The following SRC variants were observed in gnomAD, a reference collection of about 807,000 sequenced individuals.
The protein encoded by SRC is proto-oncogene tyrosine-protein kinase Src.
SRC carries 13 observed loss-of-function variants against 62.9 expected under a neutral mutation model. The observed-to-expected ratio is 0.21, with a 90% CI of 0.13 to 0.33. SRC has a LOEUF of 0.33. SRC is among the 10% of genes least tolerant of loss of function. SRC has a pLI of 1.00. For missense variants in SRC, 457 were observed against 737.3 expected (o/e 0.62, Z 4.40); for synonymous variants, 302 against 317.5 (o/e 0.95, Z 0.52).
At chr20:37,379,062 G>T (rs1365637978) in intron 2 of SRC, among the ~76,000 whole-genome samples, 3 of 152,070 alleles carry the variant, frequency 2.0e-5, no homozygotes, top group African/African-American at 7.2e-5. Context: ...GGCCACTTGG[G>T]GACCTGCTGA....
chr20:37,394,190 A>G lies in SRC; in HGVS notation c.466A>G (p.Ile156Val), dbSNP rs776051245. 1 of 1,614,038 alleles carries G rather than the reference A, an allele frequency of 6.2e-7. No homozygotes were observed. Among genetic ancestry groups the G allele is most frequent in the Non-Finnish European group, 8.5e-7 (1 of 1,180,024 alleles). ...CACCCCCAGGTGGTATTTTGGCAAG[A>G]TCACCAGACGGGAGTCAGAGCGGTT... ...IQAEEWYFGK[I>V]TRRESERLLL... The change falls in exon 7 of 14, where the codon ATC (isoleucine) becomes GTC (valine). Residue 156 changes from isoleucine to valine, a missense_variant. Physicochemically the swap from Ile to Val is conservative, Grantham distance 29. Coordinates refer to ENST00000373578, the MANE Select transcript of SRC (RefSeq NM_198291.3).
chr20:37,362,290 G>A (rs983321197), intron 1 of SRC, among the ~76,000 whole-genome samples: 1 of 151,800 alleles, frequency 6.6e-6, no homozygotes, highest in Non-Finnish European at 1.5e-5. Context: ...CAAACTCTTG[G>A]CCTCAAGCGA....
upstream of SRC, among the ~76,000 whole-genome samples, chr20:37,345,349 C>T (rs954322186): frequency 2.0e-5 from 3 of 152,218 alleles, no homozygotes; most frequent in African/African-American, 4.8e-5. Context: ...CGTTTTTCTG[C>T]TACATTTCCT....
intron 3 of SRC, among the ~76,000 whole-genome samples, chr20:37,383,378 T>G (rs747665926): frequency 3.3e-5 from 5 of 152,192 alleles, no homozygotes; most frequent in African/African-American, 4.8e-5. Context: ...TCCTGCTGTA[T>G]GGCCTTGGCT....
At position 37,394,246 on chromosome 20, in the gene SRC, C is replaced by A; in HGVS notation, c.522C>A (p.Thr174=). 6.2e-7 allele frequency: 1 copy of A among 1,614,058 alleles called. No homozygotes were observed. The highest frequency in any genetic ancestry group is 1.1e-5 in the South Asian group (1 of 91,076). The change falls in exon 7 of 14, where the codon ACC becomes ACA. Residue 174 remains threonine (T), a synonymous_variant. Coordinates refer to ENST00000373578, the MANE Select transcript of SRC (RefSeq NM_198291.3). Reference sequence around the variant, plus strand: ...TCAATGCAGAGAACCCGAGAGGGACCTTCCTCGTGCGAGAAAGTGAGACCA... The same window carrying A: ...TCAATGCAGAGAACCCGAGAGGGACATTCCTCGTGCGAGAAAGTGAGACCA... The part of the protein sequence containing the change: ...LLLNAENPRG[T]FLVRESETTK...
chr20:37,359,606 GCTGGTGGAACTGGAGGGGGC>G (rs2069934942), intron 1 of SRC, among the ~76,000 whole-genome samples: 1 of 152,228 alleles, frequency 6.6e-6, no homozygotes, highest in Admixed American at 6.5e-5. Flanking sequence ...AGCCTGGAGT[GCTGGTGGAACTGGAGGGGGC>G]CAGGGGAACA....
At chr20:37,359,283 G>A (rs1287087319) in intron 1 of SRC, among the ~76,000 whole-genome samples, 1 of 152,258 alleles carries the variant, frequency 6.6e-6, no homozygotes, top group African/African-American at 2.4e-5. Flanking sequence ...CAATGTTCTA[G>A]AGCTGCAGAT....
intron 2 of SRC, among the ~76,000 whole-genome samples, chr20:37,381,474 A>G (rs2070364590): frequency 6.6e-6 from 1 of 152,170 alleles, no homozygotes. Flanking sequence ...ATTTTATTCT[A>G]AAGAAAATTC....
At chr20:37,401,744 C>T (rs1045128560) in intron 11 of SRC, 66 bp downstream of exon 11, 2 of 1,234,138 alleles carry the variant, frequency 1.6e-6, no homozygotes, top group Non-Finnish European at 2.3e-6. Context: ...TCTGGTGCAG[C>T]CAGTTCTGGC....
At chr20:37,394,029 C>A (rs934885988) in intron 6 of SRC, 36 bp downstream of exon 6, 26 of 1,600,466 alleles carry the variant, frequency 1.6e-5, no homozygotes, top group Non-Finnish European at 2.1e-5. Flanking sequence ...ACCCGTCGTC[C>A]CTGGACACTG....
chr20:37,354,518 T>C (rs2069851844), intron 1 of SRC, among the ~76,000 whole-genome samples: 1 of 152,292 alleles, frequency 6.6e-6, no homozygotes, highest in Non-Finnish European at 1.5e-5. Context: ...GTGCATGTCG[T>C]TGGGGAGACA....
intron 1 of SRC, among the ~76,000 whole-genome samples, chr20:37,346,666 G>A (rs1298550178): frequency 1.3e-5 from 2 of 150,976 alleles, no homozygotes; most frequent in Non-Finnish European, 3.0e-5. Context: ...CCCCGGCCCC[G>A]GGTGGGAGGT....
At chr20:37,344,930 A>T (rs964441347), upstream of SRC, 3 of 152,354 alleles carry the variant, frequency 2.0e-5, no homozygotes, top group Non-Finnish European at 4.4e-5. Flanking sequence ...TGTCCACCCC[A>T]CAGCAGAGGG....
At chr20:37,364,734 T>A (rs1338898636) in intron 1 of SRC, among the ~76,000 whole-genome samples, 2 of 152,208 alleles carry the variant, frequency 1.3e-5, no homozygotes, top group African/African-American at 4.8e-5. Context: ...CCCAGCCACA[T>A]GGCTTTTGAC....
intron 2 of SRC, among the ~76,000 whole-genome samples, chr20:37,372,449 GAGGAGCGTGTTGTTT>G (rs1181641699): frequency 6.6e-6 from 1 of 152,104 alleles, no homozygotes; most frequent in Non-Finnish European, 1.5e-5. Flanking sequence ...ACTGGTAATT[GAGGAGCGTGTTGTTT>G]AGTTTTCACA....
At chr20:37,372,961 G>A (rs2070190291) in intron 2 of SRC, among the ~76,000 whole-genome samples, 1 of 151,822 alleles carries the variant, frequency 6.6e-6, no homozygotes, top group Non-Finnish European at 1.5e-5. Context: ...GTCATGTTTA[G>A]GAATGCTTTC....
At position 37,397,136 on chromosome 20, in the gene SRC, C is replaced by T. The variant is rs2070665654; in HGVS notation, c.704-563C>T. ...GCCTCCCCACCTCCGCCTGGTGCCA[C>T]CCTTCCCCACCTGCTCCCTGCGCCC... is the stretch of plus-strand genomic sequence containing the variant. On this transcript the variant is annotated intron_variant, in intron 8 of 13. Coordinates refer to ENST00000373578, the MANE Select transcript of SRC (RefSeq NM_198291.3). The surrounding 1 kb of genome is among the most constrained non-coding windows in gnomAD (Gnocchi z 4.1). Among the ~76,000 whole-genome samples the T allele has an allele frequency of 2.0e-5, 3 of 152,198 alleles. No individual in the cohort carries two copies. Among genetic ancestry groups the T allele is most frequent in the Admixed American group, 2.0e-4 (3 of 15,290 alleles).
intron 2 of SRC, among the ~76,000 whole-genome samples, chr20:37,378,127 CAT>C (rs1491375333): frequency 6.8e-6 from 1 of 147,204 alleles, no homozygotes; most frequent in Non-Finnish European, 1.5e-5. Context: ...AGGCAGAGTG[CAT>C]GTGTGTGTGT....
chr20:37,386,161 A>T lies in SRC; in HGVS notation c.337A>T (p.Ile113Phe). ...LSFKKGERLQ[I>F]VNNTEGDWWL... ...CTTCAAGAAAGGCGAGCGGCTCCAG[A>T]TTGTCAACAACACGTGAGTGCCCCC... The change falls in exon 5 of 14, where the codon ATT (isoleucine) becomes TTT (phenylalanine). Residue 113 changes from isoleucine to phenylalanine, a missense_variant. By Grantham distance (21) the Ile-to-Phe change is conservative (BLOSUM62 0). Around this residue, in one of 4 missense-constraint regions of SRC, gnomAD observed 16 missense variants for 45.7 expected, o/e 0.35. Coordinates refer to ENST00000373578, the MANE Select transcript of SRC (RefSeq NM_198291.3). The T allele has an allele frequency of 6.2e-7, 1 of 1,614,146 alleles. No individual in the cohort carries two copies. The highest frequency in any genetic ancestry group is 2.2e-5 in the East Asian group (1 of 44,888).
Sources: gnomAD v4.1 joint callset for allele counts (sites outside exome capture counted in the v4.1 genomes callset) on GRCh38, gnomAD v4.1.1 for gene constraint, gnomAD v4.1.1 regional missense constraint, Gnocchi (gnomAD v3.1) non-coding constraint, MANE v1.5 for transcripts, NCBI Gene and HGNC (gene_info 2026-07-23, HGNC 2026-07-21) for gene names.